The following VASP variants were observed in gnomAD, a reference collection of about 807,000 sequenced individuals.
VASP encodes the protein vasodilator-stimulated phosphoprotein.
Under a neutral mutation model 54.4 loss-of-function variants are expected in VASP, and 27 were observed. The observed-to-expected ratio is 0.50, with a 90% CI of 0.37 to 0.68. The LOEUF (loss-of-function observed/expected upper bound fraction) is 0.68, where lower values mean the gene tolerates loss of function less well. VASP is among the 30% of genes least tolerant of loss of function. VASP has a pLI of 0.00. For synonymous variants in VASP, 233 were observed against 209.8 expected (o/e 1.11, Z -0.96); for missense variants, 488 against 528.3 (o/e 0.92, Z 0.75).
chr19:45,519,607 T>TC (rs1459973695), intron 3 of VASP, among the ~76,000 whole-genome samples: 1 of 149,816 alleles, frequency 6.7e-6, no homozygotes, highest in African/African-American at 2.5e-5. Flanking sequence ...TTTTTTTTTT[T>TC]TTTTTTGGAG....
rs757133420 is a variant in VASP, at chr19:45,517,850, G to A, written c.177+16G>A. 1.6e-5 allele frequency: 26 copies of A among 1,611,194 alleles called. No individual in the cohort carries two copies. The highest frequency in any genetic ancestry group is 6.7e-5 in the Admixed American group (4 of 59,848). Reference sequence around the variant, plus strand: ...CGACCAGCAGGTGCAGCTTCCCGCCGGCCCCCTCTGTGGGCTGAACCCCTA... The same window carrying A: ...CGACCAGCAGGTGCAGCTTCCCGCCAGCCCCCTCTGTGGGCTGAACCCCTA... On this transcript the variant is annotated intron_variant, in intron 2 of 12. Transcript: ENST00000245932.
At chr19:45,509,636 G>A (rs1968561588) in intron 1 of VASP, among the ~76,000 whole-genome samples, 2 of 152,118 alleles carry the variant, frequency 1.3e-5, no homozygotes. Flanking sequence ...GGTGGGGTGC[G>A]GTGCAGAAAT....
chr19:45,511,120 C>T (rs960558033), intron 1 of VASP, among the ~76,000 whole-genome samples: 5 of 152,058 alleles, frequency 3.3e-5, no homozygotes, highest in African/African-American at 1.2e-4. Context: ...GAGGAAGGGA[C>T]TAGAGTAGCC....
intron 7 of VASP, among the ~76,000 whole-genome samples, chr19:45,523,396 T>G (rs1462154057): frequency 6.6e-6 from 1 of 151,764 alleles, no homozygotes; most frequent in Non-Finnish European, 1.5e-5. Flanking sequence ...AGACACAGGA[T>G]TTCACCATGT....
At chr19:45,523,188 GA>G (rs369792250) in intron 7 of VASP, among the ~76,000 whole-genome samples, 5 of 86,396 alleles carry the variant, frequency 5.8e-5, no homozygotes, top group Admixed American at 1.3e-4. Flanking sequence ...ACAATCTCTT[GA>G]ATTTTTTTTT....
chr19:45,516,643 C>T (rs968110538), intron 1 of VASP, among the ~76,000 whole-genome samples: 1 of 152,180 alleles, frequency 6.6e-6, no homozygotes, highest in Non-Finnish European at 1.5e-5. Context: ...CCTGTCTCTC[C>T]ATCTTTATCT....
intron 3 of VASP, among the ~76,000 whole-genome samples, chr19:45,520,835 G>T (rs914465471): frequency 6.6e-6 from 1 of 152,132 alleles, no homozygotes; most frequent in African/African-American, 2.4e-5. Context: ...ATGGTGGCAG[G>T]CGCCTGTAAT....
intron 1 of VASP, among the ~76,000 whole-genome samples, chr19:45,508,846 T>C (rs892891673): frequency 3.3e-5 from 5 of 152,314 alleles, no homozygotes; most frequent in African/African-American, 1.2e-4. Flanking sequence ...GGATTTGGTC[T>C]GGCCGGGGCC....
At position 45,524,535 on chromosome 19, in the gene VASP, C is replaced by A. The variant is rs112195619; in HGVS notation, c.957-35C>A. ...CGGGGAAGCAGGTCCTCTCTCTAAT[C>A]TCATTGCTGTCCCAAACCACACCAA... On this transcript the variant is annotated intron_variant, in intron 10 of 12. Transcript: ENST00000245932. 2.8e-4 allele frequency: 448 copies of A among 1,597,428 alleles called. 3 individuals are homozygous for A. The African/African-American group carries it at 5.0e-3, about 18-fold the overall frequency.
chr19:45,516,619 C>T (rs1968706574), intron 1 of VASP, among the ~76,000 whole-genome samples: 1 of 152,204 alleles, frequency 6.6e-6, no homozygotes. Flanking sequence ...GCCTCGGCCT[C>T]TTACACCCCT....
rs1183247079 is a variant in VASP at position 45,522,201 on chromosome 19, C to CAT, written c.462_463insAT (p.Arg155IlefsTer114). 2 of 1,614,188 alleles carry CAT rather than the reference C, an allele frequency of 1.2e-6. No homozygotes were observed. On this transcript the variant is annotated frameshift_variant, in exon 5 of 13. Coordinates refer to ENST00000245932, the MANE Select transcript of VASP (RefSeq NM_003370.4). LOFTEE classifies it high-confidence loss of function. ...CCGGCCCGTCGGAGCACATAGAGCG[C>CAT]CGGGTCTCCAATGCAGGTGATGCTC...
At chr19:45,524,289 C>A in intron 10 of VASP, 147 bp downstream of exon 10, 1 of 941,808 alleles carries the variant, frequency 1.1e-6, no homozygotes, top group Non-Finnish European at 1.7e-6. Flanking sequence ...GTGGTCCCAG[C>A]TACTCAGGAG....
chr19:45,521,792 G>A (rs760063152), intron 4 of VASP, among the ~76,000 whole-genome samples: 1 of 152,054 alleles, frequency 6.6e-6, no homozygotes, highest in Non-Finnish European at 1.5e-5. Context: ...GGCAGGCCGA[G>A]GCAGGAGAAT....
At chr19:45,516,983 C>CAAAAA (rs112095290) in intron 1 of VASP, among the ~76,000 whole-genome samples, 16,452 of 56,798 alleles carry the variant, frequency 0.29, 3,939 homozygotes, top group Non-Finnish European at 0.35. Flanking sequence ...GACTCTGTCT[C>CAAAAA]AAAAAAAAAA....
In VASP at chr19:45,526,560, A is replaced by T. The variant is rs548544555; in HGVS notation, c.*383A>T. 1.9e-5 allele frequency: 3 copies of T among 160,138 alleles called. No individual in the cohort carries two copies. Among genetic ancestry groups the T allele is most frequent in the Admixed American group, 1.3e-4 (2 of 15,524 alleles). 9.9% of individuals were successfully genotyped at this position (160,138 alleles called of 1,614,324 possible). A position where few individuals can be genotyped will look rare whatever the true frequency, so the allele number is the denominator to read the frequency against. On this transcript the variant is annotated 3_prime_UTR_variant, in exon 13 of 13. Coordinates refer to ENST00000245932, the MANE Select transcript of VASP (RefSeq NM_003370.4). ...AAGTTTTGGTTTTTTTAAGAAAAAA[A>T]AATATATATATATTTGGGTTTTGGG...
intron 3 of VASP, among the ~76,000 whole-genome samples, chr19:45,518,469 C>T (rs1968757420): frequency 6.6e-6 from 1 of 152,004 alleles, no homozygotes; most frequent in Middle Eastern, 3.4e-3. Context: ...TGCTGAGGGA[C>T]GAGAAGTGTT....
rs531551340 is a variant in VASP, at chr19:45,513,393, C to T, written c.6-4270C>T. Among the ~76,000 whole-genome samples, 190 of 150,758 alleles carry T rather than the reference C, an allele frequency of 1.3e-3. 4 individuals carry two copies. The South Asian group carries it at 0.028, about 22-fold the overall frequency. On this transcript the variant is annotated intron_variant, in intron 1 of 12. Transcript: ENST00000245932. ...CTGAGTAGCTGGGACTACAGGCAAG[C>T]GCCACCACACCCAGCTAATTTTAAA... is the stretch of plus-strand genomic sequence containing the variant.
intron 3 of VASP, among the ~76,000 whole-genome samples, 167 bp from the exon 4 acceptor site, chr19:45,521,155 C>G (rs1450967854): frequency 6.6e-6 from 1 of 152,248 alleles, no homozygotes; most frequent in Non-Finnish European, 1.5e-5. Context: ...GGTGCTGCCT[C>G]ACCTCCCAAT....
At chr19:45,516,204 A>G (rs973402991) in intron 1 of VASP, among the ~76,000 whole-genome samples, 4 of 152,192 alleles carry the variant, frequency 2.6e-5, no homozygotes, top group African/African-American at 9.6e-5. Flanking sequence ...CCCACACTGG[A>G]CTGTGAGCCC....
Sources: allele counts gnomAD v4.1 joint callset (sites outside exome capture counted in the v4.1 genomes callset), GRCh38; gene constraint gnomAD v4.1.1; transcripts MANE v1.5; gene names NCBI Gene and HGNC (gene_info 2026-07-23, HGNC 2026-07-21).